CRHBP: variants seen among roughly 807,000 people sequenced by gnomAD.
CRHBP encodes the protein corticotropin releasing hormone binding protein.
Under a neutral mutation model 34.9 loss-of-function variants are expected in CRHBP, and 19 were observed. The observed-to-expected ratio is 0.55, with a 90% CI of 0.38 to 0.80. The LOEUF is 0.80. CRHBP is among the 30% of genes least tolerant of loss of function. The pLI, the probability that CRHBP is intolerant of heterozygous loss-of-function variation, is 0.00. For missense variants in CRHBP, 328 were observed against 409.2 expected, an observed-to-expected ratio of 0.80 and a Z score of 1.71; for synonymous variants, 154 against 153.4, an observed-to-expected ratio of 1.00 and a Z score of -0.03.
At position 76,953,584 on chromosome 5, in the gene CRHBP, C is replaced by T. The variant is rs993854551; in HGVS notation, c.82-17C>T. The T allele has an allele frequency of 8.1e-6, 13 of 1,610,080 alleles. No homozygotes were observed. Among genetic ancestry groups the T allele is most frequent in the Non-Finnish European group, 1.1e-5 (13 of 1,178,248 alleles). On this transcript the variant is annotated splice_polypyrimidine_tract_variant and intron_variant, in intron 1 of 6. Coordinates refer to ENST00000274368, the MANE Select transcript of CRHBP (RefSeq NM_001882.4). ...CAGCCCTTGAACTTTTCCGGACTGA[C>T]CTATGTTTCTTGCCAGCTGAGGGAA...
intron 1 of CRHBP, 59 bp from the exon 2 acceptor site, chr5:76,953,539 CTGG>C (rs1745607085): frequency 4.7e-6 from 7 of 1,505,026 alleles, no homozygotes; most frequent in Non-Finnish European, 3.6e-6. Context: ...TGCCCCGCTC[CTGG>C]TCCCCTTTTT....
intron 5 of CRHBP, among the ~76,000 whole-genome samples, chr5:76,959,949 A>G (rs1457826844): frequency 6.6e-6 from 1 of 152,230 alleles, no homozygotes; most frequent in Non-Finnish European, 1.5e-5. Flanking sequence ...TAGAGCCTAC[A>G]GTGTTCTAGG....
At chr5:76,961,614 T>C (rs1025742816) in intron 5 of CRHBP, among the ~76,000 whole-genome samples, 9 of 152,214 alleles carry the variant, frequency 5.9e-5, no homozygotes, top group Admixed American at 2.0e-4. Flanking sequence ...ACCCAGTACA[T>C]AGTAGGTAGG....
downstream of CRHBP, among the ~76,000 whole-genome samples, chr5:76,973,819 A>G (rs1388561508): frequency 1.3e-5 from 2 of 151,652 alleles, no homozygotes; most frequent in Admixed American, 6.6e-5. Flanking sequence ...ATTTTATTTT[A>G]TTTAAGACAG....
chr5:76,979,096 G>T (rs1005888875), intron 3 of CRHBP, among the ~76,000 whole-genome samples: 18 of 152,172 alleles, frequency 1.2e-4, no homozygotes, highest in African/African-American at 4.3e-4. Context: ...ATTATGACTC[G>T]CTGAAGGATG....
At chr5:76,970,562 T>G (rs1437789401), downstream of CRHBP, among the ~76,000 whole-genome samples, 1 of 152,204 alleles carries the variant, frequency 6.6e-6, no homozygotes, top group Non-Finnish European at 1.5e-5. Context: ...GACGGATGAC[T>G]ATAATTCTTG....
At chr5:76,975,845 TAC>T (rs1554043512) in intron 2 of CRHBP, among the ~76,000 whole-genome samples, 1 of 97,662 alleles carries the variant, frequency 1.0e-5, no homozygotes, top group African/African-American at 5.8e-5. Flanking sequence ...TATATATATA[TAC>T]ACGCATATAT....
downstream of CRHBP, among the ~76,000 whole-genome samples, chr5:76,972,134 A>C (rs1443121865): frequency 6.6e-6 from 1 of 151,918 alleles, no homozygotes; most frequent in Admixed American, 6.6e-5. Context: ...CCTGGGGTCA[A>C]GTGATCTCTC....
intron 4 of CRHBP, 171 bp from the exon 5 acceptor site, chr5:76,958,570 T>C: frequency 3.1e-6 from 2 of 635,492 alleles, no homozygotes; most frequent in East Asian, 2.9e-5. Context: ...ATGGTTTTTG[T>C]TCCCCAAATC....
chr5:76,965,625 A>G (rs1745849758), intron 6 of CRHBP, among the ~76,000 whole-genome samples: 1 of 152,202 alleles, frequency 6.6e-6, no homozygotes, highest in Admixed American at 6.5e-5. Context: ...TACAATTTAG[A>G]TAATTGAAGC....
At chr5:76,954,645 C>A (rs1580090013) in intron 3 of CRHBP, among the ~76,000 whole-genome samples, 1 of 152,196 alleles carries the variant, frequency 6.6e-6, no homozygotes, top group Non-Finnish European at 1.5e-5. Context: ...CCTGCTGGTC[C>A]ACGCTCGGCA....
At chr5:76,953,305 G>A (rs1489464087) in intron 1 of CRHBP, 90 bp downstream of exon 1, 1 of 1,247,306 alleles carries the variant, frequency 8.0e-7, no homozygotes, top group Non-Finnish European at 1.2e-6. Flanking sequence ...GCCTTTTGGG[G>A]TTCGCTGTTT....
At position 76,963,424 on chromosome 5, in the gene CRHBP, C is replaced by A; in HGVS notation, c.775C>A (p.Pro259Thr). The change falls in exon 6 of 7, where the codon CCT becomes ACT. Residue 259 changes from proline to threonine, a missense_variant. Transcript: ENST00000274368. ...TGGATTGGACCCTTCCAAGATGACGCCTTTAGCTGATCTCTGCTACCCCTT... is the reference window on the plus strand; with the variant it reads ...TGGATTGGACCCTTCCAAGATGACGACTTTAGCTGATCTCTGCTACCCCTT... ...GTGLDPSKMT[P>T]LADLCYPFHG... 6.2e-7 allele frequency: 1 copy of A among 1,614,036 alleles called. No homozygotes were observed. Among genetic ancestry groups the A allele is most frequent in the Non-Finnish European group, 8.5e-7 (1 of 1,179,986 alleles).
intron 4 of CRHBP, among the ~76,000 whole-genome samples, chr5:76,957,431 T>G (rs376649918): frequency 7.2e-5 from 11 of 152,180 alleles, no homozygotes; most frequent in African/African-American, 2.7e-4. Context: ...CTGTCACCCA[T>G]GCTGGAGTGC....
At chr5:76,954,336 C>G (rs1170381905) in intron 3 of CRHBP, 150 bp downstream of exon 3, 2 of 925,144 alleles carry the variant, frequency 2.2e-6, no homozygotes, top group Non-Finnish European at 3.2e-6. Context: ...CGGAGAGGCG[C>G]GTTCGAGGAC....
At chr5:76,970,644 T>C (rs930784142), downstream of CRHBP, among the ~76,000 whole-genome samples, 3 of 152,206 alleles carry the variant, frequency 2.0e-5, no homozygotes, top group Non-Finnish European at 4.4e-5. Flanking sequence ...GTTGAACCCT[T>C]TTCTTAAAAA....
chr5:76,953,648 C>A lies in CRHBP; in HGVS notation c.129C>A (p.Asn43Lys). 2 of 1,612,164 alleles carry A rather than the reference C, an allele frequency of 1.2e-6. No individual in the cohort carries two copies. The highest frequency in any genetic ancestry group is 1.7e-6 in the Non-Finnish European group (2 of 1,179,402). ...ATCCTTTCCTGCTCTTCAGCGCCAA[C>A]CTGAAGCGGGAGCTGGCTGGGGAGC... is the stretch of plus-strand genomic sequence containing the variant. ...DYDPFLLFSA[N>K]LKRELAGEQP... The change falls in exon 2 of 7, where the codon AAC (asparagine) becomes AAA (lysine). Residue 43 changes from asparagine to lysine, a missense_variant. Physicochemically the swap from Asn to Lys is moderately conservative, Grantham distance 94. Coordinates refer to ENST00000274368, the MANE Select transcript of CRHBP (RefSeq NM_001882.4).
intron 3 of CRHBP, among the ~76,000 whole-genome samples, chr5:76,980,127 C>T (rs943174089): frequency 2.6e-5 from 4 of 151,342 alleles, no homozygotes; most frequent in East Asian, 1.9e-4. Flanking sequence ...TGGTGGCGGG[C>T]GCCTGTAGTC....
intron 5 of CRHBP, among the ~76,000 whole-genome samples, chr5:76,961,881 G>A (rs964077364): frequency 6.6e-6 from 1 of 152,128 alleles, no homozygotes; most frequent in Non-Finnish European, 1.5e-5. Context: ...AGCTTCCCGA[G>A]TAGCTGGGAC....
Sources: gnomAD v4.1 joint callset for allele counts (sites outside exome capture counted in the v4.1 genomes callset) on GRCh38, gnomAD v4.1.1 for gene constraint, MANE v1.5 for transcripts, NCBI Gene and HGNC (gene_info 2026-07-23, HGNC 2026-07-21) for gene names.